Variants in SMIM35 observed in about 807,000 individuals in gnomAD.
SMIM35 encodes TMPRSS4 antisense RNA 1 (non-protein coding).
intron 1 of SMIM35, among the ~76,000 whole-genome samples, chr11:118,061,551 C>G (rs1208160014): frequency 6.6e-6 from 1 of 151,960 alleles, no homozygotes; most frequent in Non-Finnish European, 1.5e-5. Flanking sequence ...AGACGAACAC[C>G]GTCGGATCAA....
At chr11:118,026,702 C>T (rs925945692) in intron 1 of SMIM35, among the ~76,000 whole-genome samples, 1 of 152,166 alleles carries the variant, frequency 6.6e-6, no homozygotes, top group Non-Finnish European at 1.5e-5. Context: ...CGTGGTGGCT[C>T]ATGCCTGTAA....
At chr11:118,055,909 C>G (rs61900565) in intron 1 of SMIM35, among the ~76,000 whole-genome samples, 38,816 of 151,696 alleles carry the variant, frequency 0.26, 5,504 homozygotes, top group Non-Finnish European at 0.32. Flanking sequence ...GGGGAGATCC[C>G]AAAACCCAGA....
intron 1 of SMIM35, among the ~76,000 whole-genome samples, chr11:118,024,843 GT>G (rs777329264): frequency 1.3e-5 from 2 of 152,102 alleles, no homozygotes; most frequent in African/African-American, 2.4e-5. Context: ...TGATGCTGAG[GT>G]TTGGGATACA....
intron 1 of SMIM35, among the ~76,000 whole-genome samples, chr11:118,065,018 G>A (rs1045889977): frequency 2.0e-5 from 3 of 152,182 alleles, no homozygotes; most frequent in Non-Finnish European, 4.4e-5. Flanking sequence ...ACCCTGCCCT[G>A]GAGTGATCCA....
chr11:118,082,899 C>T (rs1365982657), intron 1 of SMIM35, among the ~76,000 whole-genome samples: 1 of 152,166 alleles, frequency 6.6e-6, no homozygotes, highest in African/African-American at 2.4e-5. Flanking sequence ...GTCTTCTCGG[C>T]GAGTGGGTTC....
intron 1 of SMIM35, among the ~76,000 whole-genome samples, chr11:118,017,006 A>C (rs906989793): frequency 3.9e-5 from 6 of 152,170 alleles, no homozygotes; most frequent in Non-Finnish European, 8.8e-5. Context: ...AGTGAACAGA[A>C]TGTGACAGCC....
At chr11:118,056,595 A>G (rs369393674) in intron 1 of SMIM35, among the ~76,000 whole-genome samples, 5 of 152,290 alleles carry the variant, frequency 3.3e-5, no homozygotes, top group Middle Eastern at 3.4e-3. Context: ...AATTTGGGAG[A>G]TATCAGCACC....
chr11:118,029,128 C>T (rs2058297642), intron 1 of SMIM35: 1 of 251,752 alleles, frequency 4.0e-6, no homozygotes, highest in African/African-American at 2.3e-5. Context: ...TAAATAAAAC[C>T]GAATGCAAAA....
At chr11:118,073,028 C>T (rs1365824619) in intron 1 of SMIM35, among the ~76,000 whole-genome samples, 1 of 152,236 alleles carries the variant, frequency 6.6e-6, no homozygotes, top group Non-Finnish European at 1.5e-5. Context: ...AGCGATTCTC[C>T]TGCCTCAACC....
chr11:118,027,773 G>C (rs928896486), intron 1 of SMIM35, among the ~76,000 whole-genome samples: 1 of 152,132 alleles, frequency 6.6e-6, no homozygotes. Context: ...TTATCCAAAA[G>C]CAGTTTCAGA....
rs141910649 is a variant in SMIM35, at chr11:118,066,839, C to A, written c.7+19912G>T. ...GACCTTGACTTAAAAAAAAAAAAAT[C>A]AAAACATTATCTTGATAATTCTGGA... is the stretch of plus-strand genomic sequence containing the variant. On this transcript the variant is annotated intron_variant, in intron 1 of 4. Coordinates refer to ENST00000689828, the MANE Select transcript of SMIM35 (RefSeq NM_001394165.1). 3.4e-4 allele frequency among the ~76,000 whole-genome samples: 51 copies of A among 148,554 alleles called. No homozygotes were observed. The South Asian group carries it at 0.011, about 32-fold the overall frequency.
At chr11:118,010,421 A>G (rs2058144149) in intron 4 of SMIM35, among the ~76,000 whole-genome samples, 1 of 152,174 alleles carries the variant, frequency 6.6e-6, no homozygotes, top group Admixed American at 6.5e-5. Flanking sequence ...ATTTTCTAGG[A>G]CAAAGCAGCC....
At chr11:118,016,476 C>T (rs78940782) in intron 1 of SMIM35, among the ~76,000 whole-genome samples, 5,878 of 152,284 alleles carry the variant, frequency 0.039, 283 homozygotes, top group African/African-American at 0.12. Flanking sequence ...GGACAACCCA[C>T]CTCTGCCGGG....
At chr11:118,023,019 C>T (rs2135038675) in intron 1 of SMIM35, among the ~76,000 whole-genome samples, 1 of 151,626 alleles carries the variant, frequency 6.6e-6, no homozygotes, top group East Asian at 2.0e-4. Context: ...AAAGGTCAAA[C>T]TGCTTCCAAC....
intron 4 of SMIM35, among the ~76,000 whole-genome samples, chr11:118,008,513 C>T (rs891327309): frequency 1.3e-5 from 2 of 152,178 alleles, no homozygotes; most frequent in Non-Finnish European, 2.9e-5. Context: ...AGAAAAGCTC[C>T]CTCTTCACCT....
At chr11:118,039,110 G>A (rs1342722739) in intron 1 of SMIM35, among the ~76,000 whole-genome samples, 3 of 152,138 alleles carry the variant, frequency 2.0e-5, no homozygotes, top group Non-Finnish European at 2.9e-5. Context: ...GACCAAATGT[G>A]CCCTTTCTAA....
chr11:118,085,227 T>TTC (rs200748993), intron 1 of SMIM35, among the ~76,000 whole-genome samples: 8 of 21,890 alleles, frequency 3.7e-4, no homozygotes, highest in Admixed American at 1.1e-3. Context: ...CTTCTTCTTC[T>TTC]TTTTTTTTTT....
At chr11:118,036,727 G>A (rs1334819863) in intron 1 of SMIM35, among the ~76,000 whole-genome samples, 1 of 152,188 alleles carries the variant, frequency 6.6e-6, no homozygotes, top group Non-Finnish European at 1.5e-5. Context: ...ATCTGGGCTG[G>A]TTCTCTGCGA....
chr11:118,078,390 AG>A (rs934018539), intron 1 of SMIM35, among the ~76,000 whole-genome samples: 1 of 152,210 alleles, frequency 6.6e-6, no homozygotes, highest in Non-Finnish European at 1.5e-5. Context: ...TGTGACCTGC[AG>A]GGGCCCCTCG....
Sources: gnomAD v4.1 joint callset for allele counts (sites outside exome capture counted in the v4.1 genomes callset) on GRCh38, gnomAD v4.1.1 for gene constraint, MANE v1.5 for transcripts, NCBI Gene and HGNC (gene_info 2026-07-23, HGNC 2026-07-21) for gene names.